The following DNAH14 variants were observed in gnomAD, a reference collection of about 807,000 sequenced individuals.
DNAH14 encodes axonemal beta dynein heavy chain 14.
DNAH14 carries 478 observed loss-of-function variants against 520.9 expected under a neutral mutation model. The observed-to-expected ratio is 0.92, with a 90% CI of 0.85 to 0.99. The LOEUF is 0.99. Ranked by LOEUF, DNAH14 falls within the 50% of genes least tolerant of loss-of-function variation. The pLI is 0.00. For missense variants in DNAH14, 4,831 were observed against 5,234.5 expected (o/e 0.92, Z 2.38); for synonymous variants, 1,581 against 1,757.2 (o/e 0.90, Z 2.51).
At chr1:225,088,096 T>C (rs1383356041) in intron 21 of DNAH14, among the ~76,000 whole-genome samples, 1 of 152,170 alleles carries the variant, frequency 6.6e-6, no homozygotes, top group Non-Finnish European at 1.5e-5. Flanking sequence ...AGCTCAAGAC[T>C]ATAGGAATAT....
At chr1:225,236,439 T>G (rs759669742) in intron 42 of DNAH14, among the ~76,000 whole-genome samples, 3 of 152,160 alleles carry the variant, frequency 2.0e-5, no homozygotes, top group Non-Finnish European at 2.9e-5. Context: ...GTTTTACTTC[T>G]GATTATGTGA....
chr1:225,365,959 A>T (rs2095547885), intron 76 of DNAH14, among the ~76,000 whole-genome samples: 1 of 152,222 alleles, frequency 6.6e-6, no homozygotes, highest in Non-Finnish European at 1.5e-5. Flanking sequence ...TTCATATGCC[A>T]TTATTTATAC....
intron 17 of DNAH14, among the ~76,000 whole-genome samples, chr1:225,061,906 T>A (rs2070176118): frequency 6.6e-6 from 1 of 152,232 alleles, no homozygotes; most frequent in South Asian, 2.1e-4. Flanking sequence ...TTGATTATGA[T>A]GTGAGACTGC....
intron 38 of DNAH14, among the ~76,000 whole-genome samples, chr1:225,203,499 T>A (rs533916980): frequency 6.6e-6 from 1 of 152,172 alleles, no homozygotes; most frequent in Non-Finnish European, 1.5e-5. Context: ...CCCTGACTAC[T>A]ATTGATAGTT....
chr1:225,121,094 G>A (rs1300961119), intron 26 of DNAH14, among the ~76,000 whole-genome samples: 1 of 152,064 alleles, frequency 6.6e-6, no homozygotes, highest in Non-Finnish European at 1.5e-5. Flanking sequence ...TTCATAGTTT[G>A]CAGAGTTTTA....
At chr1:225,173,289 C>T (rs888169202) in intron 36 of DNAH14, among the ~76,000 whole-genome samples, 4 of 152,140 alleles carry the variant, frequency 2.6e-5, no homozygotes, top group African/African-American at 9.7e-5. Context: ...AGCTTCTGCA[C>T]AGCAAAAGAA....
intron 43 of DNAH14, chr1:225,250,755 T>C: frequency 2.1e-6 from 1 of 486,648 alleles, no homozygotes; most frequent in South Asian, 3.9e-5. Flanking sequence ...GGCAAAGCAG[T>C]GTAAATGGGC....
chr1:225,006,577 C>A (rs1025530320), intron 9 of DNAH14, among the ~76,000 whole-genome samples: 2 of 152,150 alleles, frequency 1.3e-5, no homozygotes, highest in Non-Finnish European at 2.9e-5. Flanking sequence ...GCCCTGGTCT[C>A]CTGCAGCGCC....
At chr1:225,085,126 C>G (rs530899185) in intron 20 of DNAH14, among the ~76,000 whole-genome samples, 1 of 151,972 alleles carries the variant, frequency 6.6e-6, no homozygotes. Context: ...TTAACACCAT[C>G]GAGATGACAT....
chr1:225,077,305 T>A (rs2072418850), intron 17 of DNAH14, among the ~76,000 whole-genome samples: 1 of 152,192 alleles, frequency 6.6e-6, no homozygotes, highest in Admixed American at 6.5e-5. Flanking sequence ...ATATTATTTT[T>A]AAGATTTTTG....
intron 69 of DNAH14, among the ~76,000 whole-genome samples, chr1:225,342,984 G>A (rs757952683): frequency 6.6e-5 from 10 of 152,030 alleles, no homozygotes; most frequent in South Asian, 2.1e-4. Flanking sequence ...TGGACTTCCC[G>A]GAAGCAAGAC....
chr1:225,119,189 T>C, intron 25 of DNAH14, 31 bp from the exon 26 acceptor site: 1 of 1,432,074 alleles, frequency 7.0e-7, no homozygotes, highest in Non-Finnish European at 9.4e-7. Flanking sequence ...AAAATAATTC[T>C]TCATGATATT....
At chr1:225,249,172 T>C in intron 43 of DNAH14, among the ~76,000 whole-genome samples, 1 of 152,180 alleles carries the variant, frequency 6.6e-6, no homozygotes, top group African/African-American at 2.4e-5. Context: ...ATCAATGACA[T>C]CCTCAGGGCT....
intron 41 of DNAH14, among the ~76,000 whole-genome samples, chr1:225,220,188 C>A (rs575472504): frequency 1.3e-5 from 2 of 152,246 alleles, no homozygotes; most frequent in South Asian, 2.1e-4. Flanking sequence ...ATGACAAACC[C>A]ACAGCCAATG....
At chr1:225,013,185 G>C (rs1354795771) in intron 10 of DNAH14, among the ~76,000 whole-genome samples, 1 of 151,860 alleles carries the variant, frequency 6.6e-6, no homozygotes, top group East Asian at 1.9e-4. Flanking sequence ...TGATTCCATT[G>C]CTTTCTGTTT....
chr1:225,119,029 T>G (rs1445140930), intron 25 of DNAH14, among the ~76,000 whole-genome samples, 191 bp from the exon 26 acceptor site: 1 of 152,142 alleles, frequency 6.6e-6, no homozygotes, highest in African/African-American at 2.4e-5. Context: ...CAGAATTTCC[T>G]AAAGCATGTT....
intron 8 of DNAH14, among the ~76,000 whole-genome samples, chr1:224,982,708 C>T (rs2062360238): frequency 6.6e-6 from 1 of 152,142 alleles, no homozygotes; most frequent in Non-Finnish European, 1.5e-5. Flanking sequence ...TGATCCAGTG[C>T]TCATTCAAGA....
At chr1:225,264,411 C>G (rs2093042694) in intron 47 of DNAH14, 150 bp downstream of exon 47, 1 of 721,112 alleles carries the variant, frequency 1.4e-6, no homozygotes, top group Non-Finnish European at 2.3e-6. Flanking sequence ...CACACCCTCT[C>G]AAACTGTTCT....
chr1:225,212,077 C>T (rs2088527030), intron 41 of DNAH14, among the ~76,000 whole-genome samples: 1 of 109,580 alleles, frequency 9.1e-6, no homozygotes, highest in Admixed American at 1.3e-4. Context: ...CCAAGACAGG[C>T]CCCGGTGTGT....
Sources: gnomAD v4.1 joint callset for allele counts (sites outside exome capture counted in the v4.1 genomes callset) on GRCh38, gnomAD v4.1.1 for gene constraint, MANE v1.5 for transcripts, NCBI Gene and HGNC (gene_info 2026-07-23, HGNC 2026-07-21) for gene names.